Variants in ADAM9 observed in about 807,000 individuals in gnomAD.
The protein encoded by ADAM9 is disintegrin and metalloproteinase domain-containing protein 9.
A neutral mutation model predicts 108.1 loss-of-function variants in ADAM9; 54 were observed. That is an observed-to-expected ratio of 0.50 (90% CI 0.40 to 0.63). The LOEUF is 0.63. Among genes scored for constraint, ADAM9 ranks in the 20% least tolerant of loss-of-function variants. The pLI, the probability that ADAM9 is intolerant of heterozygous loss-of-function variation, is 0.00. For synonymous variants in ADAM9, 316 were observed against 336.0 expected (o/e 0.94, Z 0.65); for missense variants, 830 against 997.7 (o/e 0.83, Z 2.26).
chr8:39,045,054 GTGTGTGCATACATACATA>G (rs1837600463), intron 12 of ADAM9, among the ~76,000 whole-genome samples: 1 of 34,290 alleles, frequency 2.9e-5, no homozygotes, highest in Non-Finnish European at 5.3e-5. Context: ...ATGTGTATGT[GTGTGTGCATACATACATA>G]TGTGTGTGTG....
At chr8:39,085,835 T>C (rs897692801) in intron 18 of ADAM9, among the ~76,000 whole-genome samples, 3 of 152,106 alleles carry the variant, frequency 2.0e-5, no homozygotes, top group African/African-American at 7.2e-5. Flanking sequence ...TGTGCTTTTA[T>C]AGTTTTCTTC....
chr8:39,103,540 T>G, intron 21 of ADAM9, 67 bp from the exon 22 acceptor site: 1 of 1,441,458 alleles, frequency 6.9e-7, no homozygotes, highest in Non-Finnish European at 9.8e-7. Context: ...ATGTTGAGCT[T>G]GTAATGAATA....
chr8:39,013,824 A>G (rs1836436297), intron 3 of ADAM9, 141 bp from the exon 4 acceptor site: 2 of 725,198 alleles, frequency 2.8e-6, no homozygotes, highest in African/African-American at 1.8e-5. Context: ...TAATTTTACA[A>G]TAGCACATTT....
At chr8:39,005,347 G>A (rs1836127891) in intron 1 of ADAM9, among the ~76,000 whole-genome samples, 1 of 152,130 alleles carries the variant, frequency 6.6e-6, no homozygotes, top group East Asian at 1.9e-4. Context: ...TAATTAATAA[G>A]TGTTCAATTT....
At chr8:39,083,399 G>A (rs1054998004) in intron 18 of ADAM9, among the ~76,000 whole-genome samples, 2 of 152,114 alleles carry the variant, frequency 1.3e-5, no homozygotes, top group South Asian at 2.1e-4. Flanking sequence ...CTTTAATTCA[G>A]TGCGTCTGCA....
chr8:39,007,175 A>G (rs10102161), intron 1 of ADAM9, among the ~76,000 whole-genome samples: 122,715 of 152,144 alleles, frequency 0.81, 49,644 homozygotes, highest in East Asian at 0.95. Flanking sequence ...GTCATAAGGC[A>G]AGAGGAAGCA....
chr8:39,016,134 G>A lies in ADAM9; in HGVS notation c.350G>A (p.Arg117Gln), dbSNP rs1240471168. ...TTCATTTAGAATCATTGTCATTATCGGGGCTATGTGGAGGGAGTTCATAAT... is the reference window on the plus strand; with the variant it reads ...TTCATTTAGAATCATTGTCATTATCAGGGCTATGTGGAGGGAGTTCATAAT... ...HPNIQNHCHY[R>Q]GYVEGVHNSS... Residue 117 changes from arginine to glutamine, a missense_variant, in exon 5 of 22, where the codon CGG becomes CAG. Physicochemically the swap from Arg to Gln is conservative, Grantham distance 43. Around this residue, in one of 3 missense-constraint regions of ADAM9, gnomAD observed 211 missense variants for 222.2 expected, o/e 0.95. Coordinates refer to ENST00000487273, the MANE Select transcript of ADAM9 (RefSeq NM_003816.3). The A allele has an allele frequency of 3.1e-6, 5 of 1,613,430 alleles. No individual in the cohort carries two copies. Among genetic ancestry groups the A allele is most frequent in the African/African-American group, 2.7e-5 (2 of 74,858 alleles).
Position 39,057,381 on chromosome 8 carries a change from T to TGTATTACATGAAA in ADAM9, c.1591+1609_1591+1610insGTATTACATGAAA, listed in dbSNP as rs1409829826. Among the ~76,000 whole-genome samples, 10 of 148,700 alleles carry TGTATTACATGAAA rather than the reference T, an allele frequency of 6.7e-5. No homozygotes were observed. The East Asian group carries it at 1.9e-3, about 29-fold the overall frequency. ...TACATATAATATATTAAATATATAA[T>TGTATTACATGAAA]ATCTTATATATGTATTACATGAAAA... On this transcript the variant is annotated intron_variant, in intron 14 of 21. Coordinates refer to ENST00000487273, the MANE Select transcript of ADAM9 (RefSeq NM_003816.3).
At position 39,082,657 on chromosome 8, in the gene ADAM9, A is replaced by G; in HGVS notation, c.1898A>G (p.Gln633Arg). Residue 633 changes from glutamine to arginine, a missense_variant, in exon 17 of 22, where the codon CAG becomes CGG. Physicochemically the swap from Gln to Arg is conservative, Grantham distance 43. Around this residue, in one of 3 missense-constraint regions of ADAM9, gnomAD observed 238 missense variants for 235.7 expected, o/e 1.01. Coordinates refer to ENST00000487273, the MANE Select transcript of ADAM9 (RefSeq NM_003816.3). ...TTTTTTCAGATCTGTAGAAACTTCC[A>G]GTGTGTAGATGCTTCTGTTCTGAAT... ...CGAGKICRNF[Q>R]CVDASVLNYD... 6.2e-7 allele frequency: 1 copy of G among 1,610,616 alleles called. No individual in the cohort carries two copies. Among genetic ancestry groups the G allele is most frequent in the South Asian group, 1.1e-5 (1 of 90,888 alleles).
At chr8:39,055,810 T>C in intron 14 of ADAM9, 38 bp downstream of exon 14, 2 of 1,571,706 alleles carry the variant, frequency 1.3e-6, no homozygotes, top group Non-Finnish European at 1.7e-6. Flanking sequence ...GCTTCGATAT[T>C]ATTTATTTTT....
chr8:39,045,454 C>A (rs901853430), intron 12 of ADAM9, among the ~76,000 whole-genome samples: 1 of 145,502 alleles, frequency 6.9e-6, no homozygotes, highest in Non-Finnish European at 1.5e-5. Flanking sequence ...GTACACACAC[C>A]TATATGTGCG....
intron 16 of ADAM9, among the ~76,000 whole-genome samples, chr8:39,080,948 G>GTTTTT (rs397808791): frequency 3.7e-5 from 4 of 108,742 alleles, no homozygotes; most frequent in Non-Finnish European, 5.4e-5. Flanking sequence ...CACTGTGAGA[G>GTTTTT]TTTTTTTTTT....
chr8:39,065,861 C>CT (rs1838452783), intron 14 of ADAM9, among the ~76,000 whole-genome samples: 1 of 151,962 alleles, frequency 6.6e-6, no homozygotes, highest in Admixed American at 6.6e-5. Context: ...ATTAACTCGT[C>CT]ATTTACATTA....
At chr8:39,045,041 T>A (rs1169986613) in intron 12 of ADAM9, among the ~76,000 whole-genome samples, 1 of 58,224 alleles carries the variant, frequency 1.7e-5, no homozygotes, top group Admixed American at 2.1e-4. Flanking sequence ...TACATACATA[T>A]GTATGTGTAT....
intron 2 of ADAM9, among the ~76,000 whole-genome samples, chr8:39,011,195 G>A (rs1484714339): frequency 1.3e-5 from 2 of 152,000 alleles, no homozygotes; most frequent in Admixed American, 6.6e-5. Flanking sequence ...AGGGAAAAAA[G>A]CATGTTTTAG....
chr8:39,058,279 A>G (rs975401975), intron 14 of ADAM9, among the ~76,000 whole-genome samples: 3 of 152,198 alleles, frequency 2.0e-5, no homozygotes, highest in Non-Finnish European at 4.4e-5. Context: ...TTAATGAAAC[A>G]GTCTTCGTTT....
rs890783079 is a variant in ADAM9, at chr8:39,018,790, A to T, written c.607-63A>T. On this transcript the variant is annotated intron_variant, in intron 6 of 21. Coordinates refer to ENST00000487273, the MANE Select transcript of ADAM9 (RefSeq NM_003816.3). ...GCAGACATGAAATAAGTGATGAGAG[A>T]TTAGGATGTGATCATAGCCTTATAA... The T allele has an allele frequency of 4.3e-6, 6 of 1,380,524 alleles. No individual in the cohort carries two copies. In the African/African-American group the frequency reaches 8.5e-5, roughly 20 times the overall value. 85.5% of individuals were successfully genotyped at this position (1,380,524 alleles called of 1,614,324 possible). A position where few individuals can be genotyped will look rare whatever the true frequency, so the allele number is the denominator to read the frequency against.
intron 4 of ADAM9, 90 bp downstream of exon 4, chr8:39,014,133 T>C (rs1185609346): frequency 1.9e-6 from 2 of 1,025,924 alleles, no homozygotes. Context: ...GACTGTTACA[T>C]TGCACAGCCC....
At chr8:39,016,950 A>C in intron 5 of ADAM9, 1 of 454,866 alleles carries the variant, frequency 2.2e-6, no homozygotes, top group Non-Finnish European at 4.0e-6. Flanking sequence ...CCACATTCTT[A>C]GCCACTATTT....
Sources: gnomAD v4.1 joint callset for allele counts (sites outside exome capture counted in the v4.1 genomes callset) on GRCh38, gnomAD v4.1.1 for gene constraint, gnomAD v4.1.1 regional missense constraint, MANE v1.5 for transcripts, NCBI Gene and HGNC (gene_info 2026-07-23, HGNC 2026-07-21) for gene names.